The following ABLIM2 variants were observed in gnomAD, a reference collection of about 807,000 sequenced individuals.
ABLIM2 encodes the protein actin binding LIM protein family member 2, also known as actin-binding LIM protein 2.
ABLIM2 carries 53 observed loss-of-function variants against 97.7 expected under a neutral mutation model. That is an observed-to-expected ratio of 0.54 (90% CI 0.44 to 0.68). The LOEUF (loss-of-function observed/expected upper bound fraction) is 0.68, where lower values mean the gene tolerates loss of function less well. ABLIM2 is among the 30% of genes least tolerant of loss of function. The pLI is 0.00. For missense variants in ABLIM2, 835 were observed against 867.2 expected, an observed-to-expected ratio of 0.96 and a Z score of 0.47; for synonymous variants, 361 against 345.8, an observed-to-expected ratio of 1.04 and a Z score of -0.49.
At chr4:8,010,887 A>G (rs1764516934) in intron 14 of ABLIM2, among the ~76,000 whole-genome samples, 1 of 152,206 alleles carries the variant, frequency 6.6e-6, no homozygotes, top group South Asian at 2.1e-4. Flanking sequence ...GCTGCCCAGC[A>G]AGTCCCAGGG....
At chr4:8,028,536 AATTC>A (rs1482357401) in intron 11 of ABLIM2, among the ~76,000 whole-genome samples, 1 of 151,274 alleles carries the variant, frequency 6.6e-6, no homozygotes, top group Non-Finnish European at 1.5e-5. Flanking sequence ...CTCATTCATT[AATTC>A]ATTCACTCAC....
rs192006204 is a variant in ABLIM2, at chr4:8,002,822, T to C, written c.1618+5237A>G. On this transcript the variant is annotated intron_variant, in intron 16 of 20. Transcript: ENST00000447017. This position sits in a 1 kb window ranked among gnomAD's most constrained non-coding sequence, Gnocchi z 6.1. Reference sequence around the variant, plus strand: ...ACGGCCCGGCCTCCGCCCTGGGTGATGCGGAATGCTCTCCCCCATATACCG... The same window carrying C: ...ACGGCCCGGCCTCCGCCCTGGGTGACGCGGAATGCTCTCCCCCATATACCG... Among the ~76,000 whole-genome samples, 319 of 152,290 alleles carry C rather than the reference T, an allele frequency of 2.1e-3. 1 individual carries two copies. Among genetic ancestry groups the C allele is most frequent in the Admixed American group, 3.8e-3 (58 of 15,288 alleles).
chr4:7,985,216 ACT>A (rs1262946165), intron 17 of ABLIM2, among the ~76,000 whole-genome samples: 2 of 152,046 alleles, frequency 1.3e-5, no homozygotes, highest in African/African-American at 4.8e-5. Flanking sequence ...TGAGTTCCCC[ACT>A]CTGCAGCTGG....
chr4:7,976,654 T>G (rs1577682195), intron 20 of ABLIM2, among the ~76,000 whole-genome samples: 1 of 152,026 alleles, frequency 6.6e-6, no homozygotes, highest in Non-Finnish European at 1.5e-5. Context: ...CCATCCCTCA[T>G]CTTACACAAC....
At chr4:8,094,080 T>A (rs909483140) in intron 3 of ABLIM2, among the ~76,000 whole-genome samples, 1 of 152,210 alleles carries the variant, frequency 6.6e-6, no homozygotes, top group Non-Finnish European at 1.5e-5. Context: ...TTACTGATAT[T>A]TTCTTCCAAA....
At position 8,091,281 on chromosome 4, in the gene ABLIM2, T is replaced by TTA. The variant is rs1554068705; in HGVS notation, c.339-2999_339-2998dup. Among the ~76,000 whole-genome samples, 2 of 20,124 alleles carry TTA rather than the reference T, an allele frequency of 9.9e-5. 1 individual carries two copies. Among genetic ancestry groups the TTA allele is most frequent in the Non-Finnish European group, 2.8e-4 (2 of 7,242 alleles). The allele number at this position is 20,124 out of a possible 152,430, so 13.2% of individuals were successfully genotyped here. On this transcript the variant is annotated intron_variant, in intron 3 of 20. Transcript: ENST00000447017. ...TGGTCATTTGTGTGTATATATATAA[T>TTA]TATATATAATATTATATATTATATT...
rs370379325 is a variant in ABLIM2 at position 8,083,733 on chromosome 4, C to T, written c.455-2931G>A. On this transcript the variant is annotated intron_variant, in intron 4 of 20. Coordinates refer to ENST00000447017, the MANE Select transcript of ABLIM2 (RefSeq NM_001130083.2). The surrounding 1 kb of genome is among the most constrained non-coding windows in gnomAD (Gnocchi z 4.6). ...ACAGGCTGTGGACTAGAGCTGTCAG[C>T]GGCAGGATGTCCCTAGCAGGGCAGA... Among the ~76,000 whole-genome samples, 221 of 152,326 alleles carry T rather than the reference C, an allele frequency of 1.5e-3. 1 individual carries two copies. The highest frequency in any genetic ancestry group is 4.6e-3 in the African/African-American group (192 of 41,572).
intron 1 of ABLIM2, among the ~76,000 whole-genome samples, chr4:8,144,082 T>C (rs1413226722): frequency 2.0e-5 from 3 of 152,206 alleles, no homozygotes; most frequent in Non-Finnish European, 4.4e-5. Context: ...CTGATGGTCC[T>C]CTTCCTCCCA....
Position 8,054,663 on chromosome 4 carries a change from CT to C in ABLIM2, c.764-418del, listed in dbSNP as rs1338998061. 6.6e-6 allele frequency among the ~76,000 whole-genome samples: 1 copy of C among 152,242 alleles called. No homozygotes were observed. Among genetic ancestry groups the C allele is most frequent in the Non-Finnish European group, 1.5e-5 (1 of 68,042 alleles). ...TGTTGAGGGCAATGGCTGGGCCCAC[CT>C]GCAGAGACAGCTGGTGCTGCAACCT... On this transcript the variant is annotated intron_variant, in intron 7 of 20. Transcript: ENST00000447017. This position sits in a 1 kb window ranked among gnomAD's most constrained non-coding sequence, Gnocchi z 4.9.
intron 20 of ABLIM2, among the ~76,000 whole-genome samples, chr4:7,978,508 T>C (rs1317284): frequency 0.4 from 60,909 of 152,120 alleles, 12,763 homozygotes; most frequent in East Asian, 0.52. Flanking sequence ...AGGGTTGCTG[T>C]GAGTCCCAAC....
At chr4:8,039,277 C>T (rs1030944403) in intron 9 of ABLIM2, among the ~76,000 whole-genome samples, 3 of 152,160 alleles carry the variant, frequency 2.0e-5, no homozygotes, top group African/African-American at 7.2e-5. Flanking sequence ...CCCCTCCAAG[C>T]AGCGATGATC....
chr4:8,049,133 C>T (rs539925924), intron 8 of ABLIM2, among the ~76,000 whole-genome samples: 3 of 152,214 alleles, frequency 2.0e-5, no homozygotes, highest in Admixed American at 2.0e-4. Flanking sequence ...GGAGGCTGCC[C>T]ATCCACGTTT....
chr4:8,071,707 AG>A lies in ABLIM2; in HGVS notation c.675+5920del. 1 of 429,854 alleles carries A rather than the reference AG, an allele frequency of 2.3e-6. No individual in the cohort carries two copies. 26.6% of individuals were successfully genotyped at this position (429,854 alleles called of 1,614,324 possible). ...TGTCCCCAAAAACCCACCCACCCGCAGCCCCTCCTGGCCCCTGTGAGCCCCC... is the reference window on the plus strand; with the variant it reads ...TGTCCCCAAAAACCCACCCACCCGCACCCCTCCTGGCCCCTGTGAGCCCCC... On this transcript the variant is annotated intron_variant, in intron 6 of 20. Coordinates refer to ENST00000447017, the MANE Select transcript of ABLIM2 (RefSeq NM_001130083.2). The surrounding 1 kb of genome is among the most constrained non-coding windows in gnomAD (Gnocchi z 6.2).
rs1840857278 is a variant in ABLIM2, at chr4:8,112,544, G to A, written c.11-5907C>T. On this transcript the variant is annotated intron_variant, in intron 1 of 20. Transcript: ENST00000447017. This position sits in a 1 kb window ranked among gnomAD's most constrained non-coding sequence, Gnocchi z 4.2. ...AGGATGGAGGGGTCAGATCAGGGGT[G>A]GCTATCAGAAAGAGGAAAAACGATG... Among the ~76,000 whole-genome samples, 1 of 152,130 alleles carries A rather than the reference G, an allele frequency of 6.6e-6. No homozygotes were observed. Among genetic ancestry groups the A allele is most frequent in the African/African-American group, 2.4e-5 (1 of 41,416 alleles).
rs1442882363 is a variant in ABLIM2 at position 7,998,112 on chromosome 4, C to G, written c.1619-5185G>C. On this transcript the variant is annotated intron_variant, in intron 16 of 20. Transcript: ENST00000447017. The surrounding 1 kb of genome is among the most constrained non-coding windows in gnomAD (Gnocchi z 6.4). Reference sequence around the variant, plus strand: ...ATCGGGCTCGTCTTCAACTCCTGATCTCAGGTGATCTGATCCGTCCTCCTC... The same window carrying G: ...ATCGGGCTCGTCTTCAACTCCTGATGTCAGGTGATCTGATCCGTCCTCCTC... Among the ~76,000 whole-genome samples, 2 of 152,040 alleles carry G rather than the reference C, an allele frequency of 1.3e-5. No homozygotes were observed. Among genetic ancestry groups the G allele is most frequent in the African/African-American group, 2.4e-5 (1 of 41,398 alleles).
At chr4:8,055,763 T>C (rs898511348) in intron 7 of ABLIM2, among the ~76,000 whole-genome samples, 2 of 152,144 alleles carry the variant, frequency 1.3e-5, no homozygotes, top group South Asian at 4.1e-4. Context: ...ACTACATGTG[T>C]GTGTGAGTGC....
chr4:8,062,719 A>G (rs187652651), intron 6 of ABLIM2, among the ~76,000 whole-genome samples: 1,787 of 152,262 alleles, frequency 0.012, 28 homozygotes, highest in African/African-American at 0.04. Flanking sequence ...GATTACAGGC[A>G]TGAGCCACCA....
At chr4:7,980,941 A>ATTTTTTTTTGTTTTTTTTTTTTT (rs1737699436) in intron 20 of ABLIM2, among the ~76,000 whole-genome samples, 1 of 82,988 alleles carries the variant, frequency 1.2e-5, no homozygotes, top group Non-Finnish European at 2.1e-5. Flanking sequence ...ACAACCCCTT[A>ATTTTTTTTTGTTTTTTTTTTTTT]TTTTTTTTTT....
intron 18 of ABLIM2, 131 bp downstream of exon 18, chr4:7,984,708 G>A (rs1577929829): frequency 8.2e-6 from 8 of 970,406 alleles, no homozygotes; most frequent in Middle Eastern, 2.2e-4. Context: ...GCCCTCCCCC[G>A]AGGTGTCCCC....
Sources: allele counts gnomAD v4.1 joint callset (sites outside exome capture counted in the v4.1 genomes callset), GRCh38; gene constraint gnomAD v4.1.1; non-coding constraint Gnocchi (gnomAD v3.1); transcripts MANE v1.5; gene names NCBI Gene and HGNC (gene_info 2026-07-23, HGNC 2026-07-21).